The following CNTNAP4 variants were observed in gnomAD, a reference collection of about 807,000 sequenced individuals.
CNTNAP4 encodes contactin-associated protein-like 4.
CNTNAP4 carries 98 observed loss-of-function variants against 148.4 expected under a neutral mutation model. The ratio of observed to expected loss-of-function variants is 0.66; its 90% CI spans 0.56 to 0.78. CNTNAP4 has a LOEUF of 0.78. CNTNAP4 is among the 30% of genes least tolerant of loss of function. The pLI is 0.00. For missense variants in CNTNAP4, 1,935 were observed against 1,565.6 expected (o/e 1.24, Z -3.98); for synonymous variants, 730 against 565.1 (o/e 1.29, Z -4.14).
intron 15 of CNTNAP4, among the ~76,000 whole-genome samples, chr16:76,499,698 G>A (rs1271440388): frequency 2.0e-5 from 3 of 149,456 alleles, no homozygotes; most frequent in Non-Finnish European, 4.5e-5. Flanking sequence ...TAGGCAGAGG[G>A]CCCTGCTGCC....
At chr16:76,423,220 A>G (rs889211619) in intron 3 of CNTNAP4, among the ~76,000 whole-genome samples, 5 of 152,138 alleles carry the variant, frequency 3.3e-5, no homozygotes, top group Admixed American at 3.3e-4. Context: ...AGACCTTCTA[A>G]AATATTTTTT....
At chr16:76,530,486 G>T (rs2083930264) in intron 17 of CNTNAP4, among the ~76,000 whole-genome samples, 1 of 152,194 alleles carries the variant, frequency 6.6e-6, no homozygotes, top group South Asian at 2.1e-4. Flanking sequence ...ACAAGAGAAT[G>T]TGATTATTCA....
At chr16:76,479,603 A>G (rs1267044539) in intron 12 of CNTNAP4, 65 bp downstream of exon 12, 6 of 1,526,164 alleles carry the variant, frequency 3.9e-6, no homozygotes, top group Non-Finnish European at 5.3e-6. Flanking sequence ...GCAAAATTAA[A>G]ATGAAATAAG....
rs976317007 is a variant in CNTNAP4, at chr16:76,489,719, C to G, written c.1916C>G (p.Ser639Cys). ...TGGACCATCATACAGCACAACGGCT[C>G]TGACTTAACAAGAGTCAGAAATACT... ...TAWTIIQHNG[S>C]DLTRVRNTNP... is the part of the protein sequence containing the mutation. Residue 639 changes from serine to cysteine, a missense_variant, in exon 13 of 24, where the codon TCT becomes TGT. Coordinates refer to ENST00000611870, the MANE Select transcript of CNTNAP4 (RefSeq NM_033401.5). 5 of 1,604,520 alleles carry G rather than the reference C, an allele frequency of 3.1e-6. No individual in the cohort carries two copies. In the African/African-American group the frequency reaches 4.0e-5, roughly 13 times the overall value.
At chr16:76,542,450 G>A (rs1351605595) in intron 21 of CNTNAP4, among the ~76,000 whole-genome samples, 1 of 152,130 alleles carries the variant, frequency 6.6e-6, no homozygotes, top group African/African-American at 2.4e-5. Context: ...AAACAAACAA[G>A]CAGCAACAAA....
intron 13 of CNTNAP4, 89 bp downstream of exon 13, chr16:76,489,972 G>T: frequency 1.2e-6 from 1 of 804,752 alleles, no homozygotes; most frequent in Non-Finnish European, 1.8e-6. Context: ...CTGCAAAGTG[G>T]TGGTGTCTAG....
intron 4 of CNTNAP4, among the ~76,000 whole-genome samples, chr16:76,440,322 T>C (rs35712131): frequency 0.59 from 90,259 of 151,896 alleles, 27,227 homozygotes; most frequent in South Asian, 0.7. Flanking sequence ...AAAATTGATT[T>C]TCTAATTTAC....
rs2079456476 is a variant in CNTNAP4, at chr16:76,427,613, T to A, written c.538+14T>A. 6.3e-7 allele frequency: 1 copy of A among 1,596,244 alleles called. No homozygotes were observed. Among genetic ancestry groups the A allele is most frequent in the East Asian group, 2.2e-5 (1 of 44,600 alleles). On this transcript the variant is annotated intron_variant, in intron 4 of 23. Transcript: ENST00000611870. ...GATGTGCATACAGTAAGTGTTTGTT[T>A]ATCCAATACACTGACATAGATATCA...
At chr16:76,478,321 T>C (rs536150912) in intron 11 of CNTNAP4, among the ~76,000 whole-genome samples, 2 of 152,318 alleles carry the variant, frequency 1.3e-5, no homozygotes, top group African/African-American at 4.8e-5. Flanking sequence ...CATTTTTACG[T>C]ACTCTCTTCA....
rs1436700652 is a variant in CNTNAP4 at position 76,278,979 on chromosome 16, A to G, written c.85+1232A>G. Among the ~76,000 whole-genome samples, 4 of 152,334 alleles carry G rather than the reference A, an allele frequency of 2.6e-5. No homozygotes were observed. In the East Asian group the frequency reaches 7.7e-4, roughly 29 times the overall value. On this transcript the variant is annotated intron_variant, in intron 1 of 23. Coordinates refer to ENST00000611870, the MANE Select transcript of CNTNAP4 (RefSeq NM_033401.5). ...GAAGGAACCTCACTTCAGGTGCTGC[A>G]CATCAGATTCAACTTTAGTTTGAGT...
At chr16:76,377,121 G>C (rs1185717125) in intron 3 of CNTNAP4, among the ~76,000 whole-genome samples, 1 of 152,144 alleles carries the variant, frequency 6.6e-6, no homozygotes, top group East Asian at 1.9e-4. Flanking sequence ...TGTGCTGGCA[G>C]AATTCCCTCT....
chr16:76,315,065 ATT>A (rs1329634253), intron 1 of CNTNAP4, among the ~76,000 whole-genome samples: 1 of 150,320 alleles, frequency 6.7e-6, no homozygotes, highest in Non-Finnish European at 1.5e-5. Context: ...AGATTCAACT[ATT>A]TTGTTTTGTG....
rs545018620 is a variant in CNTNAP4 at position 76,534,898 on chromosome 16, C to T, written c.2756-647C>T. On this transcript the variant is annotated intron_variant, in intron 17 of 23. Transcript: ENST00000611870. ...TGGTTATGTATTCAATAAACGTTAC[C>T]GTTACATCACTTATTTCTGTATCGA... 7.3e-4 allele frequency among the ~76,000 whole-genome samples: 111 copies of T among 152,250 alleles called. 1 individual carries two copies. Among genetic ancestry groups the T allele is most frequent in the African/African-American group, 2.4e-3 (100 of 41,544 alleles).
At chr16:76,543,470 T>A (rs1568582860) in intron 21 of CNTNAP4, among the ~76,000 whole-genome samples, 1 of 152,318 alleles carries the variant, frequency 6.6e-6, no homozygotes, top group African/African-American at 2.4e-5. Flanking sequence ...GGATTAAGCA[T>A]ATGAGGATTT....
intron 17 of CNTNAP4, among the ~76,000 whole-genome samples, chr16:76,531,028 TG>T (rs1336397558): frequency 6.6e-6 from 1 of 152,214 alleles, no homozygotes; most frequent in East Asian, 1.9e-4. Flanking sequence ...TGTTTTTCTT[TG>T]CCATAGTGTC....
chr16:76,467,266 T>G, intron 9 of CNTNAP4, 86 bp from the exon 10 acceptor site: 1 of 1,200,610 alleles, frequency 8.3e-7, no homozygotes, highest in Non-Finnish European at 1.2e-6. Context: ...CATATGCCTC[T>G]TTCTTTTATT....
intron 1 of CNTNAP4, among the ~76,000 whole-genome samples, chr16:76,299,333 AG>A (rs1959679106): frequency 6.6e-6 from 1 of 152,252 alleles, no homozygotes; most frequent in South Asian, 2.1e-4. Context: ...AAATGGGCGA[AG>A]GATATGAATA....
chr16:76,339,354 T>A (rs1275364639), intron 2 of CNTNAP4, among the ~76,000 whole-genome samples: 1 of 152,182 alleles, frequency 6.6e-6, no homozygotes, highest in African/African-American at 2.4e-5. Context: ...TACGATAGGT[T>A]ATACATAGTG....
intron 2 of CNTNAP4, among the ~76,000 whole-genome samples, chr16:76,324,451 A>C (rs1162189614): frequency 6.6e-6 from 1 of 152,158 alleles, no homozygotes; most frequent in Non-Finnish European, 1.5e-5. Flanking sequence ...TCTGAGGTAC[A>C]AGTGATTTAT....
Sources: gnomAD v4.1 joint callset for allele counts (sites outside exome capture counted in the v4.1 genomes callset) on GRCh38, gnomAD v4.1.1 for gene constraint, MANE v1.5 for transcripts, NCBI Gene and HGNC (gene_info 2026-07-23, HGNC 2026-07-21) for gene names.